AP1AR: variants seen among roughly 807,000 people sequenced by gnomAD.
AP1AR encodes the protein AP-1 complex-associated regulatory protein.
Under a neutral mutation model 46.3 loss-of-function variants are expected in AP1AR, and 29 were observed. The ratio of observed to expected loss-of-function variants is 0.63; its 90% confidence interval spans 0.47 to 0.85. The LOEUF (loss-of-function observed/expected upper bound fraction) is 0.85, where lower values mean the gene tolerates loss of function less well. Ranked by LOEUF, AP1AR falls within the 40% of genes least tolerant of loss-of-function variation. The pLI is 0.00. For missense variants in AP1AR, 357 were observed against 356.3 expected (o/e 1.00, Z -0.02); for synonymous variants, 122 against 122.9 (o/e 0.99, Z 0.05).
chr4:112,236,400 C>CTTTTT (rs35720859), intron 1 of AP1AR, among the ~76,000 whole-genome samples: 2 of 143,396 alleles, frequency 1.4e-5, no homozygotes, highest in East Asian at 2.1e-4. Flanking sequence ...ATTTCTAAGT[C>CTTTTT]TTTTTTTTTT....
chr4:112,243,553 T>C (rs894610238), intron 1 of AP1AR, among the ~76,000 whole-genome samples: 1 of 152,260 alleles, frequency 6.6e-6, no homozygotes, highest in Admixed American at 6.5e-5. Context: ...TTAGGACTTG[T>C]ATCATTCTTG....
chr4:112,231,911 C>T lies in AP1AR; in HGVS notation c.-181C>T, dbSNP rs1488721246. ...CTGCGGCCGCTGGAGTAAACACTGCCTTTGTTCCCTAGCGCCTCGTCTTTC... is the reference window on the plus strand; with the variant it reads ...CTGCGGCCGCTGGAGTAAACACTGCTTTTGTTCCCTAGCGCCTCGTCTTTC... On this transcript the variant is annotated 5_prime_UTR_variant, in exon 1 of 10. Coordinates refer to ENST00000274000, the MANE Select transcript of AP1AR (RefSeq NM_018569.6). 6.6e-6 allele frequency: 3 copies of T among 454,874 alleles called. No homozygotes were observed. Among genetic ancestry groups the T allele is most frequent in the Non-Finnish European group, 1.1e-5 (3 of 272,282 alleles). 28.2% of individuals were successfully genotyped at this position (454,874 alleles called of 1,614,324 possible).
At chr4:112,237,308 A>G (rs1244020394) in intron 1 of AP1AR, among the ~76,000 whole-genome samples, 1 of 152,030 alleles carries the variant, frequency 6.6e-6, no homozygotes, top group African/African-American at 2.4e-5. Context: ...GGGTTTCGCC[A>G]TGTTGGCCAG....
intron 2 of AP1AR, among the ~76,000 whole-genome samples, chr4:112,253,763 C>T (rs936121879): frequency 1.3e-5 from 2 of 152,140 alleles, no homozygotes; most frequent in Non-Finnish European, 2.9e-5. Context: ...TGGTGGTCAC[C>T]CTGTTTCATG....
rs533116639 is a variant in AP1AR, at chr4:112,261,386, C to A, written c.282+524C>A. Among the ~76,000 whole-genome samples, 7 of 152,208 alleles carry A rather than the reference C, an allele frequency of 4.6e-5. No individual in the cohort carries two copies. In the South Asian group the frequency reaches 1.5e-3, roughly 32 times the overall value. On this transcript the variant is annotated intron_variant, in intron 5 of 9. Coordinates refer to ENST00000274000, the MANE Select transcript of AP1AR (RefSeq NM_018569.6). Reference sequence around the variant, plus strand: ...GGTCAAGGCTGCAGTGAGCCAAGATCATGCCACTGCACTCCAGCCTGGGCA... The same window carrying A: ...GGTCAAGGCTGCAGTGAGCCAAGATAATGCCACTGCACTCCAGCCTGGGCA...
At chr4:112,242,501 A>G (rs1014910796) in intron 1 of AP1AR, among the ~76,000 whole-genome samples, 1 of 152,214 alleles carries the variant, frequency 6.6e-6, no homozygotes, top group African/African-American at 2.4e-5. Context: ...GAAAAGTTCA[A>G]GATTGGGCAT....
chr4:112,258,750 A>G (rs377537402), intron 4 of AP1AR, among the ~76,000 whole-genome samples: 1 of 152,238 alleles, frequency 6.6e-6, no homozygotes, highest in East Asian at 1.9e-4. Flanking sequence ...TGGAAGTTAC[A>G]TGAGTGTATA....
At chr4:112,258,996 G>A (rs763961620) in intron 4 of AP1AR, among the ~76,000 whole-genome samples, 6 of 152,082 alleles carry the variant, frequency 3.9e-5, no homozygotes, top group Non-Finnish European at 8.8e-5. Flanking sequence ...TGGTGAGAGA[G>A]CAAGGATCTG....
At chr4:112,245,864 TC>T (rs1725706196) in intron 1 of AP1AR, among the ~76,000 whole-genome samples, 1 of 152,122 alleles carries the variant, frequency 6.6e-6, no homozygotes, top group Admixed American at 6.5e-5. Flanking sequence ...AATAAAATGT[TC>T]TTATTATTCT....
In AP1AR at chr4:112,231,967, T is replaced by C. The variant is rs918866356; in HGVS notation, c.-125T>C. Reference sequence around the variant, plus strand: ...CCCGTGCCCTCACGCCGCCGGGCTCTGGCCGGCCCGCCCTCGGTCCTTGAA... The same window carrying C: ...CCCGTGCCCTCACGCCGCCGGGCTCCGGCCGGCCCGCCCTCGGTCCTTGAA... On this transcript the variant is annotated 5_prime_UTR_variant, in exon 1 of 10. Coordinates refer to ENST00000274000, the MANE Select transcript of AP1AR (RefSeq NM_018569.6). 1.0e-5 allele frequency: 9 copies of C among 893,078 alleles called. No individual in the cohort carries two copies. The highest frequency in any genetic ancestry group is 1.2e-5 in the Non-Finnish European group (8 of 664,962). 55.3% of individuals were successfully genotyped at this position (893,078 alleles called of 1,614,324 possible). A position where few individuals can be genotyped will look rare whatever the true frequency, so the allele number is the denominator to read the frequency against.
chr4:112,271,298 G>GT lies in AP1AR; in HGVS notation c.*2890dup, dbSNP rs1402522258. 7.2e-5 allele frequency among the ~76,000 whole-genome samples: 11 copies of GT among 152,218 alleles called. No homozygotes were observed. In the East Asian group the frequency reaches 2.1e-3, roughly 29 times the overall value. Reference sequence around the variant, plus strand: ...CCTCCCTGTCTTGCAAAAGGCTGCCGTGAGGCAATTTCTCATCCAGCTGGT... The same window carrying GT: ...CCTCCCTGTCTTGCAAAAGGCTGCCGTTGAGGCAATTTCTCATCCAGCTGGT... On this transcript the variant is annotated 3_prime_UTR_variant, in exon 10 of 10. Transcript: ENST00000274000.
At chr4:112,232,755 T>A (rs1254195432) in intron 1 of AP1AR, among the ~76,000 whole-genome samples, 1 of 152,216 alleles carries the variant, frequency 6.6e-6, no homozygotes, top group Non-Finnish European at 1.5e-5. Context: ...TGCTCATAAC[T>A]ACAGGGACAA....
chr4:112,244,602 G>A (rs1432131351), intron 1 of AP1AR, among the ~76,000 whole-genome samples: 2 of 152,120 alleles, frequency 1.3e-5, no homozygotes. Flanking sequence ...TAGTTCAGGG[G>A]CTCATAACCA....
At position 112,266,582 on chromosome 4, in the gene AP1AR, T is replaced by TA; in HGVS notation, c.515-6_515-5insA. The TA allele has an allele frequency of 6.2e-7, 1 of 1,608,830 alleles. No individual in the cohort carries two copies. Among genetic ancestry groups the TA allele is most frequent in the Non-Finnish European group, 8.5e-7 (1 of 1,176,916 alleles). ...AGTATTCAATTGTATTTCGTGTATA[T>TA]TCTAGGACTCTCATCAGATGCTACA... On this transcript the variant is annotated splice_region_variant and splice_polypyrimidine_tract_variant and intron_variant, in intron 8 of 9. Coordinates refer to ENST00000274000, the MANE Select transcript of AP1AR (RefSeq NM_018569.6).
rs543222093 is a variant in AP1AR, at chr4:112,264,271, C to T, written c.382-738C>T. ...CTTCCCTTTTAAAGACAAAGCATTC[C>T]ATATGCAGCATCCATATGGGTGATT... On this transcript the variant is annotated intron_variant, in intron 6 of 9. Coordinates refer to ENST00000274000, the MANE Select transcript of AP1AR (RefSeq NM_018569.6). 3.9e-5 allele frequency among the ~76,000 whole-genome samples: 6 copies of T among 152,240 alleles called. No individual in the cohort carries two copies. In the East Asian group the frequency reaches 1.2e-3, roughly 29 times the overall value.
intron 1 of AP1AR, 150 bp from the exon 2 acceptor site, chr4:112,253,058 A>T (rs1726028384): frequency 1.9e-6 from 1 of 539,336 alleles, no homozygotes; most frequent in Non-Finnish European, 3.1e-6. Flanking sequence ...TTATAGTCTT[A>T]GGTAAATTTT....
chr4:112,233,156 A>G (rs1332265940), intron 1 of AP1AR, among the ~76,000 whole-genome samples: 1 of 152,190 alleles, frequency 6.6e-6, no homozygotes. Context: ...TTTAACTAAC[A>G]TTATTGGGTA....
intron 6 of AP1AR, among the ~76,000 whole-genome samples, chr4:112,264,441 G>C (rs540634284): frequency 2.0e-5 from 3 of 152,244 alleles, no homozygotes; most frequent in East Asian, 3.9e-4. Flanking sequence ...GAGTTTGCTA[G>C]AGCAGTAATA....
chr4:112,246,985 T>A (rs1405955983), intron 1 of AP1AR, among the ~76,000 whole-genome samples: 2 of 152,246 alleles, frequency 1.3e-5, no homozygotes, highest in Non-Finnish European at 2.9e-5. Flanking sequence ...TCTGTTTCCT[T>A]AAGTTAACTT....
Sources: gnomAD v4.1 joint callset for allele counts (sites outside exome capture counted in the v4.1 genomes callset) on GRCh38, gnomAD v4.1.1 for gene constraint, MANE v1.5 for transcripts, NCBI Gene and HGNC (gene_info 2026-07-23, HGNC 2026-07-21) for gene names.